The following SHB variants were observed in gnomAD, a reference collection of about 807,000 sequenced individuals.
SHB encodes SH2 domain-containing adapter protein B.
SHB carries 20 observed loss-of-function variants against 52.3 expected under a neutral mutation model. That is an observed-to-expected ratio of 0.38 (90% CI 0.27 to 0.56). SHB has a LOEUF of 0.56. SHB is among the 20% of genes least tolerant of loss of function. SHB has a pLI of 0.71. For missense variants in SHB, 825 were observed against 723.3 expected, an observed-to-expected ratio of 1.14 and a Z score of -1.61; for synonymous variants, 397 against 316.5, an observed-to-expected ratio of 1.25 and a Z score of -2.70.
chr9:38,022,251 C>G (rs1395243627), intron 1 of SHB, among the ~76,000 whole-genome samples: 1 of 152,190 alleles, frequency 6.6e-6, no homozygotes, highest in Admixed American at 6.5e-5. Context: ...GAAGCAAGCC[C>G]CCCTGTCTAG....
chr9:38,017,197 C>A (rs916341569), intron 1 of SHB, among the ~76,000 whole-genome samples: 3 of 152,352 alleles, frequency 2.0e-5, no homozygotes, highest in Non-Finnish European at 4.4e-5. Flanking sequence ...TTCCCTCTTG[C>A]CCTTTTTGGT....
At chr9:38,065,375 G>A (rs1350129105) in intron 1 of SHB, among the ~76,000 whole-genome samples, 2 of 152,242 alleles carry the variant, frequency 1.3e-5, no homozygotes, top group East Asian at 3.9e-4. Context: ...GACCCAGAGG[G>A]ACAGTTAAGG....
At chr9:38,051,719 T>C (rs1229905560) in intron 1 of SHB, among the ~76,000 whole-genome samples, 1 of 152,182 alleles carries the variant, frequency 6.6e-6, no homozygotes, top group African/African-American at 2.4e-5. Context: ...AGCTGACTGA[T>C]GGCAACATTA....
intron 1 of SHB, among the ~76,000 whole-genome samples, chr9:38,038,546 G>T (rs1359234562): frequency 6.6e-6 from 1 of 152,190 alleles, no homozygotes; most frequent in African/African-American, 2.4e-5. Flanking sequence ...CTGAGTAGAT[G>T]AATAAATGTA....
At chr9:37,984,616 C>T (rs938085134) in intron 2 of SHB, among the ~76,000 whole-genome samples, 7 of 152,026 alleles carry the variant, frequency 4.6e-5, no homozygotes, top group African/African-American at 1.7e-4. Flanking sequence ...TTTTGGTCTT[C>T]TGGGGCCAGG....
chr9:37,969,812 T>C (rs1820570955), intron 3 of SHB, among the ~76,000 whole-genome samples: 2 of 152,172 alleles, frequency 1.3e-5, no homozygotes, highest in Non-Finnish European at 2.9e-5. Context: ...CATGACATCA[T>C]CCAAGGCTCC....
chr9:38,059,264 C>T (rs117958433), intron 1 of SHB, among the ~76,000 whole-genome samples: 8,737 of 93,998 alleles, frequency 0.093, 209 homozygotes, highest in Non-Finnish European at 0.15. Context: ...TGTCGAGTCA[C>T]TCTCCCCTCC....
At chr9:38,027,710 G>T (rs957043494) in intron 1 of SHB, among the ~76,000 whole-genome samples, 3 of 151,702 alleles carry the variant, frequency 2.0e-5, no homozygotes, top group Non-Finnish European at 4.4e-5. Context: ...AAGAGTGAGG[G>T]AGCTGGGGGT....
At chr9:37,965,434 G>C (rs1255228780) in intron 3 of SHB, among the ~76,000 whole-genome samples, 1 of 152,222 alleles carries the variant, frequency 6.6e-6, no homozygotes, top group African/African-American at 2.4e-5. Flanking sequence ...GCCTCACCTA[G>C]TGAGGAGACA....
At chr9:37,925,487 C>A (rs943500820) in intron 5 of SHB, among the ~76,000 whole-genome samples, 1 of 152,218 alleles carries the variant, frequency 6.6e-6, no homozygotes, top group African/African-American at 2.4e-5. Context: ...GAGCCCTCTT[C>A]CCTTAGGATT....
At chr9:38,062,204 GT>G (rs1209486199) in intron 1 of SHB, among the ~76,000 whole-genome samples, 1 of 152,196 alleles carries the variant, frequency 6.6e-6, no homozygotes, top group African/African-American at 2.4e-5. Context: ...AAGCATATAG[GT>G]TTTGAACTCA....
intron 5 of SHB, among the ~76,000 whole-genome samples, chr9:37,930,482 T>G (rs1425304408): frequency 6.6e-6 from 1 of 152,128 alleles, no homozygotes; most frequent in Non-Finnish European, 1.5e-5. Context: ...CTGCTCCTCA[T>G]TTCTCATCCC....
chr9:38,000,598 G>C (rs1820999289), intron 2 of SHB, among the ~76,000 whole-genome samples: 2 of 152,224 alleles, frequency 1.3e-5, no homozygotes, highest in Non-Finnish European at 2.9e-5. Context: ...AGGCCGGGTG[G>C]GCTGATTCTG....
intron 2 of SHB, among the ~76,000 whole-genome samples, chr9:37,979,861 A>G (rs1361231353): frequency 6.6e-6 from 1 of 152,178 alleles, no homozygotes; most frequent in African/African-American, 2.4e-5. Context: ...TCCAATGCAC[A>G]CAAAAGTTAT....
At chr9:37,962,264 T>C (rs1015376771) in intron 3 of SHB, among the ~76,000 whole-genome samples, 1 of 152,192 alleles carries the variant, frequency 6.6e-6, no homozygotes, top group African/African-American at 2.4e-5. Flanking sequence ...TGACTCCTGC[T>C]GAAATTCCTG....
chr9:37,958,739 C>T (rs890230141), intron 3 of SHB, among the ~76,000 whole-genome samples: 4 of 152,208 alleles, frequency 2.6e-5, no homozygotes, highest in African/African-American at 9.7e-5. Flanking sequence ...CCCTAGCACA[C>T]ACATCACCAC....
rs1411733983 is a variant in SHB, at chr9:37,915,904, A to C, written c.*3917T>G. Among the ~76,000 whole-genome samples the C allele has an allele frequency of 6.6e-6, 1 of 152,234 alleles. No homozygotes were observed. Among genetic ancestry groups the C allele is most frequent in the Non-Finnish European group, 1.5e-5 (1 of 68,038 alleles). The stretch of plus-strand genomic sequence containing the variant: ...AAAAAAAAAAGACAAATGGTAAACA[A>C]GACACTTGTAGTATATTAAGAGCTT... On this transcript the variant is annotated 3_prime_UTR_variant, in exon 6 of 6. Coordinates refer to ENST00000377707, the MANE Select transcript of SHB (RefSeq NM_003028.3).
intron 3 of SHB, among the ~76,000 whole-genome samples, chr9:37,961,706 A>G (rs548426695): frequency 1.3e-5 from 2 of 152,258 alleles, no homozygotes; most frequent in East Asian, 1.9e-4. Context: ...CAAAAACCCC[A>G]GCTATTCTTC....
At chr9:37,966,298 T>G (rs940416272) in intron 3 of SHB, among the ~76,000 whole-genome samples, 5 of 152,032 alleles carry the variant, frequency 3.3e-5, no homozygotes, top group Non-Finnish European at 7.4e-5. Flanking sequence ...CAAATCTTTG[T>G]TTTTTTTCCA....
Sources: allele counts gnomAD v4.1 joint callset (sites outside exome capture counted in the v4.1 genomes callset), GRCh38; gene constraint gnomAD v4.1.1; transcripts MANE v1.5; gene names NCBI Gene and HGNC (gene_info 2026-07-23, HGNC 2026-07-21).